ENTHD1: variants seen among roughly 807,000 people sequenced by gnomAD.
ENTHD1 encodes the protein ENTH domain-containing protein 1.
ENTHD1 carries 23 observed loss-of-function variants against 39.1 expected under a neutral mutation model. The ratio of observed to expected loss-of-function variants is 0.59; its 90% CI spans 0.42 to 0.83. The LOEUF is 0.83. Ranked by LOEUF, ENTHD1 falls within the 40% of genes least tolerant of loss-of-function variation. The pLI, the probability that ENTHD1 is intolerant of heterozygous loss-of-function variation, is 0.00. For synonymous variants in ENTHD1, 230 were observed against 258.2 expected (o/e 0.89, Z 1.05); for missense variants, 624 against 705.4 (o/e 0.88, Z 1.31).
chr22:39,826,065 T>C (rs745641252), intron 4 of ENTHD1, among the ~76,000 whole-genome samples: 4 of 152,176 alleles, frequency 2.6e-5, no homozygotes, highest in Non-Finnish European at 4.4e-5. Context: ...GCATTTTTTA[T>C]AGACACATGG....
At chr22:39,802,144 GA>G (rs1422684369) in intron 5 of ENTHD1, among the ~76,000 whole-genome samples, 2 of 152,164 alleles carry the variant, frequency 1.3e-5, no homozygotes, top group African/African-American at 4.8e-5. Flanking sequence ...ACTATAGGGT[GA>G]AAAAGGTGTG....
At chr22:39,877,268 T>A (rs368702304) in intron 2 of ENTHD1, among the ~76,000 whole-genome samples, 1 of 152,168 alleles carries the variant, frequency 6.6e-6, no homozygotes, top group South Asian at 2.1e-4. Context: ...AAAGAGCACA[T>A]GGTGCATGCT....
intron 3 of ENTHD1, among the ~76,000 whole-genome samples, chr22:39,859,876 C>T (rs78663675): frequency 7.9e-5 from 12 of 152,254 alleles, no homozygotes; most frequent in African/African-American, 2.2e-4. Context: ...GTAAAATATA[C>T]GTTATCTGTG....
intron 2 of ENTHD1, among the ~76,000 whole-genome samples, chr22:39,869,970 T>C (rs1197408064): frequency 1.3e-5 from 2 of 149,352 alleles, no homozygotes; most frequent in African/African-American, 4.9e-5. Context: ...GATTTGGTAA[T>C]TGGAGAACAG....
At chr22:39,856,323 T>C (rs1293155549) in intron 3 of ENTHD1, among the ~76,000 whole-genome samples, 1 of 151,892 alleles carries the variant, frequency 6.6e-6, no homozygotes, top group Non-Finnish European at 1.5e-5. Context: ...TCTTATTTTT[T>C]CCCACCCCAA....
chr22:39,869,627 G>C (rs1311271437), intron 2 of ENTHD1, among the ~76,000 whole-genome samples: 3 of 141,162 alleles, frequency 2.1e-5, no homozygotes, highest in Non-Finnish European at 3.1e-5. Flanking sequence ...TAAAATAAAA[G>C]TTAAAATTGT....
At chr22:39,793,949 G>A (rs1401948869) in intron 5 of ENTHD1, among the ~76,000 whole-genome samples, 1 of 152,078 alleles carries the variant, frequency 6.6e-6, no homozygotes, top group South Asian at 2.1e-4. Context: ...TTGGACTCTT[G>A]TTTGGTTTCA....
Position 39,887,352 on chromosome 22 carries a change from C to T in ENTHD1, c.349+48G>A, listed in dbSNP as rs550445725. ...TCAGCCTCCCATGCACCAGGATTAC[C>T]GGTGTACACCACCACACCCAGCTTA... is the stretch of plus-strand genomic sequence containing the variant. On this transcript the variant is annotated intron_variant, in intron 2 of 6. Transcript: ENST00000325157. 6.2e-6 allele frequency: 9 copies of T among 1,456,902 alleles called. No homozygotes were observed. The East Asian group carries it at 6.8e-5, about 11-fold the overall frequency. 90.2% of individuals were successfully genotyped at this position (1,456,902 alleles called of 1,614,324 possible). A position where few individuals can be genotyped will look rare whatever the true frequency, so the allele number is the denominator to read the frequency against.
intron 5 of ENTHD1, among the ~76,000 whole-genome samples, chr22:39,818,514 T>C (rs2065751249): frequency 6.6e-6 from 1 of 152,152 alleles, no homozygotes; most frequent in African/African-American, 2.4e-5. Flanking sequence ...TCACAGGGCA[T>C]TGTGAGTACT....
intron 2 of ENTHD1, among the ~76,000 whole-genome samples, chr22:39,878,171 T>C (rs980380839): frequency 6.6e-6 from 1 of 152,158 alleles, no homozygotes; most frequent in Non-Finnish European, 1.5e-5. Flanking sequence ...AAGAATGCCT[T>C]TGGCAGGCTT....
intron 3 of ENTHD1, among the ~76,000 whole-genome samples, chr22:39,856,255 C>CAAGAGT (rs1356681347): frequency 1.9e-5 from 2 of 105,720 alleles, no homozygotes; most frequent in African/African-American, 3.7e-5. Context: ...GCCTGGGCAA[C>CAAGAGT]AAGAGTGAAA....
intron 5 of ENTHD1, among the ~76,000 whole-genome samples, chr22:39,820,195 A>G (rs181012276): frequency 6.6e-6 from 1 of 152,296 alleles, no homozygotes; most frequent in Admixed American, 6.5e-5. Context: ...GCACTTATAC[A>G]CTGGATATTA....
At chr22:39,881,237 T>C (rs925606071) in intron 2 of ENTHD1, among the ~76,000 whole-genome samples, 6 of 152,244 alleles carry the variant, frequency 3.9e-5, no homozygotes, top group Admixed American at 3.3e-4. Context: ...TCCTGTGAAG[T>C]ACCTCTAACT....
intron 5 of ENTHD1, among the ~76,000 whole-genome samples, chr22:39,813,525 C>G (rs2065709478): frequency 6.6e-6 from 1 of 152,092 alleles, no homozygotes; most frequent in African/African-American, 2.4e-5. Context: ...CTGTAACTAT[C>G]CATATAAATG....
chr22:39,836,782 G>A (rs1418241104), intron 3 of ENTHD1, among the ~76,000 whole-genome samples: 1 of 152,108 alleles, frequency 6.6e-6, no homozygotes, highest in Non-Finnish European at 1.5e-5. Flanking sequence ...ATTCTCATGA[G>A]AGCTGGTTGT....
rs570046188 is a variant in ENTHD1 at position 39,852,174 on chromosome 22, A to G, written c.592+9591T>C. Among the ~76,000 whole-genome samples the G allele has an allele frequency of 4.6e-5, 7 of 151,880 alleles. No homozygotes were observed. The South Asian group carries it at 1.5e-3, about 32-fold the overall frequency. ...ATGGTGAAACTTTGTTTCTACCAAAAAAAAAAAACCCAAAAACCCAAATTT... is the reference window on the plus strand; with the variant it reads ...ATGGTGAAACTTTGTTTCTACCAAAGAAAAAAAACCCAAAAACCCAAATTT... On this transcript the variant is annotated intron_variant, in intron 3 of 6. Transcript: ENST00000325157.
At chr22:39,764,999 G>A (rs968367577) in intron 6 of ENTHD1, among the ~76,000 whole-genome samples, 2 of 152,100 alleles carry the variant, frequency 1.3e-5, no homozygotes, top group African/African-American at 4.8e-5. Flanking sequence ...CAAGGACTCA[G>A]AACCCACGGT....
At position 39,887,878 on chromosome 22, in the gene ENTHD1, C is replaced by A. The variant is rs2066393989; in HGVS notation, c.-130G>T. 1 of 616,160 alleles carries A rather than the reference C, an allele frequency of 1.6e-6. No individual in the cohort carries two copies. The highest frequency in any genetic ancestry group is 1.8e-5 in the African/African-American group (1 of 54,120). The allele number at this position is 616,160 out of a possible 1,614,324, so 38.2% of individuals were successfully genotyped here. On this transcript the variant is annotated 5_prime_UTR_variant, in exon 2 of 7. Transcript: ENST00000325157. ...CTGCTCCCAAATACAAATAATTAAT[C>A]TCTATGTTGATAAAGTATCAATTTC... is the stretch of plus-strand genomic sequence containing the variant.
chr22:39,747,499 A>G (rs763051336), intron 6 of ENTHD1, among the ~76,000 whole-genome samples: 1 of 152,120 alleles, frequency 6.6e-6, no homozygotes, highest in Non-Finnish European at 1.5e-5. Context: ...ACACAATTCT[A>G]TTACATTAGA....
Sources: allele counts gnomAD v4.1 joint callset (sites outside exome capture counted in the v4.1 genomes callset), GRCh38; gene constraint gnomAD v4.1.1; transcripts MANE v1.5; gene names NCBI Gene and HGNC (gene_info 2026-07-23, HGNC 2026-07-21).